Variants in RSU1 observed in about 807,000 individuals in gnomAD.
RSU1 encodes the protein Ras suppressor protein 1, also known as rsu-1.
A neutral mutation model predicts 31.1 loss-of-function variants in RSU1; 26 were observed. That is an observed-to-expected ratio of 0.84 (90% confidence interval 0.61 to 1.16). The LOEUF (loss-of-function observed/expected upper bound fraction) is 1.16, where lower values mean the gene tolerates loss of function less well. Ranked by LOEUF, RSU1 falls within the 50% of genes most tolerant of loss-of-function variation. RSU1 has a pLI of 0.00. For synonymous variants in RSU1, 164 were observed against 136.3 expected, an observed-to-expected ratio of 1.20 and a Z score of -1.41; for missense variants, 320 against 339.1, an observed-to-expected ratio of 0.94 and a Z score of 0.44.
At chr10:16,685,424 T>C (rs1159265763) in intron 8 of RSU1, among the ~76,000 whole-genome samples, 1 of 152,224 alleles carries the variant, frequency 6.6e-6, no homozygotes, top group Non-Finnish European at 1.5e-5. Flanking sequence ...AAACAATGGC[T>C]ACTCCACAGA....
intron 8 of RSU1, 44 bp from the exon 9 acceptor site, chr10:16,593,540 C>T: frequency 1.4e-6 from 2 of 1,443,344 alleles, no homozygotes; most frequent in Non-Finnish European, 9.7e-7. Context: ...ATTTTGCCAA[C>T]ACAAGATAGC....
intron 8 of RSU1, among the ~76,000 whole-genome samples, chr10:16,609,605 T>G (rs1199657384): frequency 6.6e-6 from 1 of 152,172 alleles, no homozygotes; most frequent in East Asian, 1.9e-4. Context: ...GATGGAACAT[T>G]CCAAAGGAAA....
intron 8 of RSU1, among the ~76,000 whole-genome samples, chr10:16,631,880 A>G (rs1410356576): frequency 6.6e-6 from 1 of 152,090 alleles, no homozygotes; most frequent in Non-Finnish European, 1.5e-5. Flanking sequence ...GATTTCATCC[A>G]TTTTCAAGTT....
At chr10:16,706,175 C>T (rs568490156) in intron 7 of RSU1, among the ~76,000 whole-genome samples, 4 of 152,248 alleles carry the variant, frequency 2.6e-5, no homozygotes, top group African/African-American at 4.8e-5. Flanking sequence ...ACTGCTGGGT[C>T]GTATGGTAGT....
intron 2 of RSU1, among the ~76,000 whole-genome samples, chr10:16,804,920 T>C (rs1343819528): frequency 3.9e-5 from 6 of 152,132 alleles, no homozygotes; most frequent in African/African-American, 1.2e-4. Context: ...ATTACATTAA[T>C]TTGCCAAAAC....
Position 16,735,888 on chromosome 10 carries a change from G to A in RSU1, c.598+16651C>T, listed in dbSNP as rs555169834. ...AATTCAAGATGAGATTTGGGTGGGG[G>A]CACAGCCAAACCGTATCAGGAAACA... is the stretch of plus-strand genomic sequence containing the variant. On this transcript the variant is annotated intron_variant, in intron 7 of 8. Coordinates refer to ENST00000345264, the MANE Select transcript of RSU1 (RefSeq NM_012425.4). Among the ~76,000 whole-genome samples the A allele has an allele frequency of 2.0e-5, 3 of 152,168 alleles. No homozygotes were observed. In the East Asian group the frequency reaches 5.8e-4, roughly 29 times the overall value.
chr10:16,675,012 G>A (rs746447875), intron 8 of RSU1, among the ~76,000 whole-genome samples: 38 of 151,478 alleles, frequency 2.5e-4, no homozygotes, highest in African/African-American at 7.0e-4. Context: ...CAGCCTGGGC[G>A]ACAGAGTGAG....
At chr10:16,599,212 G>A (rs547455031) in intron 8 of RSU1, among the ~76,000 whole-genome samples, 2 of 152,364 alleles carry the variant, frequency 1.3e-5, no homozygotes, top group South Asian at 2.1e-4. Flanking sequence ...AGGAAAGAGT[G>A]TGGCATACCA....
intron 8 of RSU1, among the ~76,000 whole-genome samples, chr10:16,626,449 C>T (rs895348325): frequency 7.9e-5 from 12 of 152,098 alleles, no homozygotes; most frequent in East Asian, 7.7e-4. Context: ...TATGGGAATG[C>T]GCCACCATGC....
chr10:16,733,336 A>T (rs1170300671), intron 7 of RSU1, among the ~76,000 whole-genome samples: 9 of 52,968 alleles, frequency 1.7e-4, no homozygotes, highest in East Asian at 3.5e-3. Context: ...ACGACAATAA[A>T]AAAAAAAAAA....
intron 3 of RSU1, among the ~76,000 whole-genome samples, chr10:16,773,054 G>C (rs1837454185): frequency 1.3e-5 from 2 of 152,046 alleles, no homozygotes; most frequent in African/African-American, 4.8e-5. Context: ...AAAAAAATTA[G>C]CTTTGCATGG....
intron 4 of RSU1, among the ~76,000 whole-genome samples, chr10:16,763,691 G>A (rs1837254534): frequency 6.6e-6 from 1 of 152,128 alleles, no homozygotes; most frequent in Non-Finnish European, 1.5e-5. Context: ...CTAACCTCAG[G>A]GGTGACCAGG....
intron 8 of RSU1, among the ~76,000 whole-genome samples, chr10:16,655,144 A>G (rs937775421): frequency 6.6e-6 from 1 of 151,906 alleles, no homozygotes; most frequent in African/African-American, 2.4e-5. Flanking sequence ...TCTAATAATT[A>G]GTCAATAGAT....
In RSU1 at chr10:16,749,479, A is replaced by C. The variant is rs540026537; in HGVS notation, c.598+3060T>G. On this transcript the variant is annotated intron_variant, in intron 7 of 8. Coordinates refer to ENST00000345264, the MANE Select transcript of RSU1 (RefSeq NM_012425.4). ...GTATTCAGATATGTAAAAAATATAC[A>C]GCGAGAGATCATCATCCACACTTTA... Among the ~76,000 whole-genome samples, 13 of 152,338 alleles carry C rather than the reference A, an allele frequency of 8.5e-5. No homozygotes were observed. In the South Asian group the frequency reaches 2.7e-3, roughly 32 times the overall value.
intron 2 of RSU1, among the ~76,000 whole-genome samples, chr10:16,784,211 A>G (rs1485487237): frequency 2.0e-5 from 3 of 151,962 alleles, no homozygotes; most frequent in Non-Finnish European, 2.9e-5. Flanking sequence ...ACTCCCAAGC[A>G]ACTGAGACCA....
intron 3 of RSU1, among the ~76,000 whole-genome samples, chr10:16,780,311 G>A (rs1046060259): frequency 6.6e-6 from 1 of 152,178 alleles, no homozygotes; most frequent in African/African-American, 2.4e-5. Flanking sequence ...AGGCTGCAGA[G>A]CAGGGTCGTC....
chr10:16,793,886 C>A (rs1034350578), intron 2 of RSU1, among the ~76,000 whole-genome samples: 3 of 151,420 alleles, frequency 2.0e-5, no homozygotes, highest in Admixed American at 6.6e-5. Flanking sequence ...ATGTTCTTTT[C>A]CAGGGTCTGT....
chr10:16,673,329 C>T (rs922985300), intron 8 of RSU1, among the ~76,000 whole-genome samples: 1 of 152,190 alleles, frequency 6.6e-6, no homozygotes, highest in Non-Finnish European at 1.5e-5. Flanking sequence ...GACATTTGCT[C>T]CAACATGAAC....
chr10:16,683,725 A>G (rs7082442), intron 8 of RSU1, among the ~76,000 whole-genome samples: 58,055 of 152,018 alleles, frequency 0.38, 12,224 homozygotes, highest in African/African-American at 0.56. Context: ...CTGAGAACAT[A>G]TGTCCAAGGT....
Sources: gnomAD v4.1 joint callset for allele counts (sites outside exome capture counted in the v4.1 genomes callset) on GRCh38, gnomAD v4.1.1 for gene constraint, MANE v1.5 for transcripts, NCBI Gene and HGNC (gene_info 2026-07-23, HGNC 2026-07-21) for gene names.